OR14A16: variants seen among roughly 807,000 people sequenced by gnomAD.
The protein encoded by OR14A16 is olfactory receptor family 14 subfamily A member 16.
For synonymous variants in OR14A16, 135 were observed against 137.6 expected (o/e 0.98, Z 0.13); for missense variants, 341 against 366.5 (o/e 0.93, Z 0.57).
intron 2 of OR14A16, among the ~76,000 whole-genome samples, chr1:247,817,445 C>T (rs1662644744): frequency 6.6e-6 from 1 of 152,132 alleles, no homozygotes; most frequent in South Asian, 2.1e-4. Flanking sequence ...TTTGATTAAT[C>T]TCTGTGGCTG....
At chr1:247,821,598 G>T (rs984789102) in intron 1 of OR14A16, among the ~76,000 whole-genome samples, 1 of 112,970 alleles carries the variant, frequency 8.9e-6, no homozygotes, top group Non-Finnish European at 2.2e-5. Context: ...TACCCATTTG[G>T]ATGGAATATC....
intron 2 of OR14A16, among the ~76,000 whole-genome samples, chr1:247,817,534 A>G (rs1403015586): frequency 6.6e-6 from 1 of 152,188 alleles, no homozygotes; most frequent in Non-Finnish European, 1.5e-5. Context: ...GCATATGATT[A>G]CTAAGACAGA....
intron 1 of OR14A16, among the ~76,000 whole-genome samples, chr1:247,823,309 G>T (rs1662776253): frequency 6.6e-6 from 1 of 152,148 alleles, no homozygotes; most frequent in Non-Finnish European, 1.5e-5. Context: ...GAGCAACCTG[G>T]AGAGACCCCC....
At chr1:247,823,401 G>A (rs540017561) in intron 1 of OR14A16, among the ~76,000 whole-genome samples, 2 of 152,298 alleles carry the variant, frequency 1.3e-5, no homozygotes, top group African/African-American at 2.4e-5. Flanking sequence ...GGAGGCTGAG[G>A]TGGGAGGATC....
At chr1:247,821,107 C>T (rs1395597167) in intron 1 of OR14A16, among the ~76,000 whole-genome samples, 1 of 152,074 alleles carries the variant, frequency 6.6e-6, no homozygotes, top group Non-Finnish European at 1.5e-5. Flanking sequence ...AGTTTCATAC[C>T]ATGTAGTCAG....
Position 247,815,856 on chromosome 1 carries a change from G to A in OR14A16, c.-15-112C>T, listed in dbSNP as rs1662612399. The A allele has an allele frequency of 1.2e-5, 6 of 500,238 alleles. 1 individual carries two copies. Among genetic ancestry groups the A allele is most frequent in the African/African-American group, 5.9e-5 (3 of 51,146 alleles). The allele number at this position is 500,238 out of a possible 1,614,324, so 31.0% of individuals were successfully genotyped here. A position where few individuals can be genotyped will look rare whatever the true frequency, so the allele number is the denominator to read the frequency against. The stretch of plus-strand genomic sequence containing the variant: ...ACTGAAACACACACACGTACCACAC[G>A]TATGGTAATTCCATGCCAATTTGCC... On this transcript the variant is annotated intron_variant, in intron 2 of 2. Coordinates refer to ENST00000641093, the MANE Select transcript of OR14A16 (RefSeq NM_001001966.2).
At chr1:247,816,369 T>G (rs1224223107) in intron 2 of OR14A16, among the ~76,000 whole-genome samples, 1 of 152,234 alleles carries the variant, frequency 6.6e-6, no homozygotes, top group Non-Finnish European at 1.5e-5. Context: ...ACACCATAAT[T>G]TGCAATCTTG....
In OR14A16 at chr1:247,814,857, G is replaced by T. The variant is rs1256253404; in HGVS notation, c.873C>A (p.Asn291Lys). ...TFNPIIYSLR[N>K]KAIKVALGML... ...TCCCCAGAGCCACCTTTATGGCCTT[G>T]TTTCTCAAACTGTATATAATGGGAT... The change falls in exon 3 of 3, where the codon AAC becomes AAA. Residue 291 changes from asparagine to lysine, a missense_variant. Coordinates refer to ENST00000641093, the MANE Select transcript of OR14A16 (RefSeq NM_001001966.2). 1.2e-6 allele frequency: 2 copies of T among 1,604,354 alleles called. No homozygotes were observed. Among genetic ancestry groups the T allele is most frequent in the Non-Finnish European group, 8.5e-7 (1 of 1,177,216 alleles).
At chr1:247,820,224 ATACTGGCCTC>A (rs1165899563) in intron 1 of OR14A16, among the ~76,000 whole-genome samples, 7 of 152,156 alleles carry the variant, frequency 4.6e-5, no homozygotes, top group Non-Finnish European at 1.0e-4. Flanking sequence ...TATCAGAGTA[ATACTGGCCTC>A]ATAACATGAT....
intron 2 of OR14A16, 38 bp from the exon 3 acceptor site, chr1:247,815,782 G>A (rs191948291): frequency 1.2e-6 from 1 of 832,206 alleles, no homozygotes; most frequent in Non-Finnish European, 1.9e-6. Flanking sequence ...AAATATCAAT[G>A]TCCACTCTTT....
intron 1 of OR14A16, among the ~76,000 whole-genome samples, chr1:247,820,791 C>T (rs140932896): frequency 0.024 from 3,643 of 150,040 alleles, 65 homozygotes; most frequent in Non-Finnish European, 0.04. Flanking sequence ...ACTTGGGAGG[C>T]GGAGGTTGCA....
chr1:247,815,477 T>C lies in OR14A16; in HGVS notation c.253A>G (p.Ile85Val), dbSNP rs752078813. 1.9e-6 allele frequency: 3 copies of C among 1,614,026 alleles called. No individual in the cohort carries two copies. The highest frequency in any genetic ancestry group is 2.5e-6 in the Non-Finnish European group (3 of 1,180,020). Residue 85 changes from isoleucine to valine, a missense_variant, in exon 3 of 3, where the codon ATA (isoleucine) becomes GTA (valine). Transcript: ENST00000641093. ...AGGAATGAAATGGAGTTGTTGTGTA[T>C]CAAAGAATTGGCGATAGATTTGGGA... The part of the protein sequence containing the change: ...TAPKSIANSL[I>V]HNNSISFLGC...
At chr1:247,822,050 C>T (rs1001929551) in intron 1 of OR14A16, among the ~76,000 whole-genome samples, 11 of 152,108 alleles carry the variant, frequency 7.2e-5, no homozygotes, top group African/African-American at 9.7e-5. Flanking sequence ...TTTTAAGTCT[C>T]TTATATCACA....
At chr1:247,816,663 AG>A in intron 2 of OR14A16, among the ~76,000 whole-genome samples, 1 of 151,958 alleles carries the variant, frequency 6.6e-6, no homozygotes, top group African/African-American at 2.4e-5. Context: ...TGGGAGGCGG[AG>A]GCTGCAGTGA....
In OR14A16 at chr1:247,814,881, A is replaced by T. The variant is rs1662576473; in HGVS notation, c.849T>A (p.Asn283Lys). 1.2e-6 allele frequency: 2 copies of T among 1,613,808 alleles called. No individual in the cohort carries two copies. The highest frequency in any genetic ancestry group is 1.7e-6 in the Non-Finnish European group (2 of 1,179,910). Reference protein sequence around the residue: ...VFYTMLPPTFNPIIYSLRNKA... With the variant: ...VFYTMLPPTFKPIIYSLRNKA... Reference sequence around the variant, plus strand: ...TGTTTCTCAAACTGTATATAATGGGATTAAAGGTTGGGGGCAGCATAGTGT... The same window carrying T: ...TGTTTCTCAAACTGTATATAATGGGTTTAAAGGTTGGGGGCAGCATAGTGT... Residue 283 changes from asparagine to lysine, a missense_variant, in exon 3 of 3, where the codon AAT (asparagine) becomes AAA (lysine). Physicochemically the swap from Asn to Lys is moderately conservative, Grantham distance 94 (BLOSUM62 0). Coordinates refer to ENST00000641093, the MANE Select transcript of OR14A16 (RefSeq NM_001001966.2).
rs892440955 is a variant in OR14A16 at position 247,819,086 on chromosome 1, G to C, written c.-39C>G. 5 of 151,926 alleles carry C rather than the reference G, an allele frequency of 3.3e-5. No individual in the cohort carries two copies. Among genetic ancestry groups the C allele is most frequent in the African/African-American group, 1.2e-4 (5 of 41,314 alleles). 9.4% of individuals were successfully genotyped at this position (151,926 alleles called of 1,614,324 possible). ...ACTCTATACCTCCAATCTGGCGCAC[G>C]AAGATTCCAGATGTCTTCTGAGGCT... On this transcript the variant is annotated 5_prime_UTR_variant, in exon 2 of 3. Transcript: ENST00000641093.
At chr1:247,821,784 AG>A (rs747928506) in intron 1 of OR14A16, among the ~76,000 whole-genome samples, 5 of 145,250 alleles carry the variant, frequency 3.4e-5, no homozygotes, top group Non-Finnish European at 7.7e-5. Context: ...TATTTTCTGG[AG>A]TTCTTTTGTG....
chr1:247,815,406 T>G lies in OR14A16; in HGVS notation c.324A>C (p.Ala108=). The G allele has an allele frequency of 1.2e-6, 2 of 1,613,738 alleles. No homozygotes were observed. The highest frequency in any genetic ancestry group is 1.7e-6 in the Non-Finnish European group (2 of 1,179,838). The change falls in exon 3 of 3, where the codon GCA becomes GCC. Residue 108 remains alanine (A), a synonymous_variant. Transcript: ENST00000641093. ...QVFLLLSSAS[A]ELLLLTVMSF... is the part of the protein sequence containing the mutation. Reference sequence around the variant, plus strand: ...ACATCACCGTGAGGAGGAGCAGCTCTGCAGATGCTGAAGAAAGCAACAAAA... The same window carrying G: ...ACATCACCGTGAGGAGGAGCAGCTCGGCAGATGCTGAAGAAAGCAACAAAA...
At chr1:247,817,443 A>ATC (rs1662644681) in intron 2 of OR14A16, among the ~76,000 whole-genome samples, 1 of 152,174 alleles carries the variant, frequency 6.6e-6, no homozygotes, top group South Asian at 2.1e-4. Context: ...GATTTGATTA[A>ATC]TCTCTGTGGC....
Sources: gnomAD v4.1 joint callset for allele counts (sites outside exome capture counted in the v4.1 genomes callset) on GRCh38, gnomAD v4.1.1 for gene constraint, MANE v1.5 for transcripts, NCBI Gene and HGNC (gene_info 2026-07-23, HGNC 2026-07-21) for gene names.